The following TTLL1 variants were observed in gnomAD, a reference collection of about 807,000 sequenced individuals.
The protein encoded by TTLL1 is polyglutamylase complex subunit TTLL1.
TTLL1 carries 33 observed loss-of-function variants against 47.8 expected under a neutral mutation model. The ratio of observed to expected loss-of-function variants is 0.69; its 90% CI spans 0.52 to 0.92. The LOEUF (loss-of-function observed/expected upper bound fraction) is 0.92. Ranked by LOEUF, TTLL1 falls within the 40% of genes least tolerant of loss-of-function variation. The pLI is 0.00. For missense variants in TTLL1, 488 were observed against 547.5 expected (o/e 0.89, Z 1.08); for synonymous variants, 225 against 214.1 (o/e 1.05, Z -0.45).
chr22:43,062,363 C>T (rs935213819), intron 7 of TTLL1, among the ~76,000 whole-genome samples: 4 of 151,654 alleles, frequency 2.6e-5, no homozygotes, highest in South Asian at 4.2e-4. Context: ...TGGTGGCGCA[C>T]GCCTGTGATC....
At chr22:43,074,863 G>T (rs1027538806) in intron 3 of TTLL1, among the ~76,000 whole-genome samples, 14 of 151,704 alleles carry the variant, frequency 9.2e-5, no homozygotes, top group African/African-American at 3.4e-4. Context: ...AACATAGCAA[G>T]ACCCTGTCTC....
chr22:43,081,067 C>T (rs968491995), intron 1 of TTLL1, among the ~76,000 whole-genome samples: 12 of 151,700 alleles, frequency 7.9e-5, no homozygotes, highest in Non-Finnish European at 1.3e-4. Flanking sequence ...AGGAGCCCAT[C>T]ACCACGCCTG....
intron 3 of TTLL1, chr22:43,070,151 T>A: frequency 7.1e-7 from 1 of 1,414,580 alleles, no homozygotes. Context: ...GATAACACTG[T>A]CAACAAATAA....
intron 1 of TTLL1, among the ~76,000 whole-genome samples, chr22:43,084,960 AC>A (rs1929134034): frequency 3.2e-5 from 3 of 93,716 alleles, no homozygotes; most frequent in Non-Finnish European, 4.2e-5. Flanking sequence ...AAAAGCTGCC[AC>A]CTTTTTTTTT....
chr22:43,059,410 T>C lies in TTLL1; in HGVS notation c.865A>G (p.Ile289Val), dbSNP rs544877720. The stretch of plus-strand genomic sequence containing the variant: ...GCCACAGCCTTCAGGGACTGCACGA[T>C]GATCCAGTGGATCTCGTCGAACAGC... ...SKLFDEIHWIIVQSLKAVAPV... is the reference protein window; with the variant it reads ...SKLFDEIHWIVVQSLKAVAPV... Residue 289 changes from isoleucine to valine, a missense_variant, in exon 8 of 11, where the codon ATC becomes GTC. By Grantham distance (29) the Ile-to-Val change is conservative. Transcript: ENST00000266254. 1.2e-6 allele frequency: 2 copies of C among 1,613,856 alleles called. No individual in the cohort carries two copies. Among genetic ancestry groups the C allele is most frequent in the East Asian group, 2.2e-5 (1 of 44,826 alleles).
At chr22:43,070,364 G>A (rs1186011455) in intron 3 of TTLL1, 5 of 452,126 alleles carry the variant, frequency 1.1e-5, no homozygotes, top group South Asian at 7.2e-5. Flanking sequence ...GATTCCTTCT[G>A]AGCCTCTGAG....
rs776331748 is a variant in TTLL1 at position 43,049,287 on chromosome 22, G to A, written c.978+2514C>T. Among the ~76,000 whole-genome samples, 20 of 152,210 alleles carry A rather than the reference G, an allele frequency of 1.3e-4. No homozygotes were observed. In the East Asian group the frequency reaches 3.7e-3, roughly 28 times the overall value. On this transcript the variant is annotated intron_variant, in intron 9 of 10. Coordinates refer to ENST00000266254, the MANE Select transcript of TTLL1 (RefSeq NM_012263.5). The stretch of plus-strand genomic sequence containing the variant: ...GCCTGTAATCCCAGCACTTTGGGAG[G>A]CCAAGATGGGCAGATCACTTGAGGT...
chr22:43,064,168 C>A, intron 6 of TTLL1, 22 bp downstream of exon 6: 1 of 1,601,500 alleles, frequency 6.2e-7, no homozygotes. Flanking sequence ...CAAGAGGGAA[C>A]CAAAACCTTA....
intron 7 of TTLL1, 97 bp from the exon 8 acceptor site, chr22:43,059,624 C>G (rs1331239090): frequency 7.0e-7 from 1 of 1,433,184 alleles, no homozygotes; most frequent in Non-Finnish European, 9.3e-7. Flanking sequence ...GGAGTGCCCC[C>G]TGGGTGTGGG....
intron 3 of TTLL1, among the ~76,000 whole-genome samples, chr22:43,074,108 C>T (rs180771093): frequency 1.9e-3 from 291 of 151,868 alleles, no homozygotes; most frequent in African/African-American, 4.6e-3. Context: ...ACGGGCATGA[C>T]GGCCAGAACA....
chr22:43,088,896 C>T (rs1438805786), intron 1 of TTLL1, among the ~76,000 whole-genome samples: 2 of 152,220 alleles, frequency 1.3e-5, no homozygotes, highest in Non-Finnish European at 2.9e-5. Flanking sequence ...AGACACAAGG[C>T]TCTTGTCTCC....
At chr22:43,072,250 T>C (rs1601692765) in intron 3 of TTLL1, among the ~76,000 whole-genome samples, 1 of 146,698 alleles carries the variant, frequency 6.8e-6, no homozygotes, top group South Asian at 2.2e-4. Context: ...GCCTCCCGGG[T>C]TCACGCCATT....
chr22:43,082,647 C>T (rs950014192), intron 1 of TTLL1, among the ~76,000 whole-genome samples: 3 of 151,402 alleles, frequency 2.0e-5, no homozygotes, highest in South Asian at 4.2e-4. Context: ...ACCCAGGAGG[C>T]GGAGTTTGCA....
At position 43,064,263 on chromosome 22, in the gene TTLL1, G is replaced by C. The variant is rs1268709614; in HGVS notation, c.565C>G (p.Leu189Val). The change falls in exon 6 of 11, where the codon CTA becomes GTA. Residue 189 changes from leucine to valine, a missense_variant. Leu to Val is a conservative substitution (Grantham distance 32). Coordinates refer to ENST00000266254, the MANE Select transcript of TTLL1 (RefSeq NM_012263.5). Reference sequence around the variant, plus strand: ...AGGTCGAACTTCCTCCCGCCAATTAGTAACGGGTTGTTAATATAGAGAGAG... The same window carrying C: ...AGGTCGAACTTCCTCCCGCCAATTACTAACGGGTTGTTAATATAGAGAGAG... Reference protein sequence around the residue: ...VISLYINNPLLIGGRKFDLRL... With the variant: ...VISLYINNPLVIGGRKFDLRL... 3 of 1,614,154 alleles carry C rather than the reference G, an allele frequency of 1.9e-6. No homozygotes were observed. Among genetic ancestry groups the C allele is most frequent in the Non-Finnish European group, 2.5e-6 (3 of 1,180,008 alleles).
chr22:43,052,992 G>A (rs1010118294), intron 8 of TTLL1, among the ~76,000 whole-genome samples: 7 of 151,820 alleles, frequency 4.6e-5, no homozygotes, highest in Admixed American at 6.6e-5. Flanking sequence ...CCTGGGAGGC[G>A]GAGGTTGCAG....
chr22:43,048,232 G>T (rs1328772801), intron 9 of TTLL1, among the ~76,000 whole-genome samples: 2 of 151,734 alleles, frequency 1.3e-5, no homozygotes, highest in African/African-American at 4.8e-5. Context: ...CAGGAGAATC[G>T]CTTGAACCCG....
At chr22:43,041,655 C>T (rs1925691457) in intron 10 of TTLL1, among the ~76,000 whole-genome samples, 1 of 151,848 alleles carries the variant, frequency 6.6e-6, no homozygotes, top group South Asian at 2.1e-4. Flanking sequence ...GCTGGCATTA[C>T]AGGCGCATGC....
At chr22:43,073,399 C>A (rs1242434869) in intron 3 of TTLL1, among the ~76,000 whole-genome samples, 2 of 151,726 alleles carry the variant, frequency 1.3e-5, no homozygotes, top group African/African-American at 4.8e-5. Context: ...CTCTGTCACC[C>A]AGGCTGGAGT....
chr22:43,045,562 C>T lies in TTLL1; in HGVS notation c.1142+848G>A, dbSNP rs762923331. ...CTGACCTCAGGTGATCTGCCCGCCT[C>T]GGCCTCCCAAAATGCTGGGATTACA... On this transcript the variant is annotated intron_variant, in intron 10 of 10. Transcript: ENST00000266254. Among the ~76,000 whole-genome samples the T allele has an allele frequency of 1.3e-4, 19 of 149,030 alleles. 1 individual carries two copies. Among genetic ancestry groups the T allele is most frequent in the Admixed American group, 2.7e-4 (4 of 14,800 alleles).
Sources: gnomAD v4.1 joint callset for allele counts (sites outside exome capture counted in the v4.1 genomes callset) on GRCh38, gnomAD v4.1.1 for gene constraint, MANE v1.5 for transcripts, NCBI Gene and HGNC (gene_info 2026-07-23, HGNC 2026-07-21) for gene names.